Variants in MYO5B observed in about 807,000 individuals in gnomAD.
MYO5B encodes myosin VB, also known as unconventional myosin-Vb.
MYO5B carries 143 observed loss-of-function variants against 229.3 expected under a neutral mutation model. That is an observed-to-expected ratio of 0.62 (90% confidence interval 0.54 to 0.72). The LOEUF (loss-of-function observed/expected upper bound fraction) is 0.72. MYO5B is among the 30% of genes least tolerant of loss of function. The pLI is 0.00. For synonymous variants in MYO5B, 918 were observed against 885.2 expected (o/e 1.04, Z -0.66); for missense variants, 2,321 against 2,331.0 (o/e 1.00, Z 0.09).
intron 5 of MYO5B, among the ~76,000 whole-genome samples, chr18:49,996,987 G>A (rs540785916): frequency 7.9e-5 from 12 of 152,220 alleles, no homozygotes; most frequent in Non-Finnish European, 7.4e-5. Flanking sequence ...CCTAAAAAGC[G>A]TGAACACTTA....
At chr18:50,123,421 T>G (rs946475659) in intron 1 of MYO5B, among the ~76,000 whole-genome samples, 1 of 152,166 alleles carries the variant, frequency 6.6e-6, no homozygotes, top group African/African-American at 2.4e-5. Flanking sequence ...GTATATTATG[T>G]GAATTTCACT....
In MYO5B at chr18:49,895,206, GAGA is replaced by G. The variant is rs145003736; in HGVS notation, c.2812-35_2812-33del. ...AGAACATCAGCAAACAAGGAGAAGG[GAGA>G]AGAAGTGGGGGAAGAAAAGGTTATT... On this transcript the variant is annotated intron_variant, in intron 21 of 39. Transcript: ENST00000285039. 4,352 of 1,560,770 alleles carry G rather than the reference GAGA, an allele frequency of 2.8e-3. 99 individuals are homozygous for G. The African/African-American group carries it at 0.049, about 18-fold the overall frequency.
At chr18:49,876,855 C>A (rs987495188) in intron 25 of MYO5B, among the ~76,000 whole-genome samples, 2 of 152,240 alleles carry the variant, frequency 1.3e-5, no homozygotes, top group Admixed American at 6.5e-5. Flanking sequence ...CTCCCTCCAC[C>A]CTCTGCTCCA....
At chr18:49,838,361 G>A (rs936911977) in intron 36 of MYO5B, among the ~76,000 whole-genome samples, 1 of 152,304 alleles carries the variant, frequency 6.6e-6, no homozygotes, top group Admixed American at 6.5e-5. Flanking sequence ...TCTGACTCCA[G>A]AACTGCTGCT....
intron 1 of MYO5B, among the ~76,000 whole-genome samples, chr18:50,109,118 C>T (rs1044067449): frequency 1.3e-5 from 2 of 152,236 alleles, no homozygotes; most frequent in South Asian, 2.1e-4. Context: ...CCCCTATCCA[C>T]AGCTTCCACC....
At chr18:49,961,419 C>G (rs746053319) in intron 12 of MYO5B, among the ~76,000 whole-genome samples, 1 of 152,194 alleles carries the variant, frequency 6.6e-6, no homozygotes, top group Non-Finnish European at 1.5e-5. Flanking sequence ...TTTTCAAAGG[C>G]AACAAAACTA....
chr18:49,878,639 C>T (rs780844428), intron 24 of MYO5B, among the ~76,000 whole-genome samples: 2 of 152,074 alleles, frequency 1.3e-5, no homozygotes, highest in Non-Finnish European at 2.9e-5. Context: ...ACTCCCACAC[C>T]CCATTACTGA....
chr18:50,063,997 C>T (rs2030756402), intron 1 of MYO5B: 1 of 152,280 alleles, frequency 6.6e-6, no homozygotes, highest in Middle Eastern at 3.2e-3. Flanking sequence ...TCATTTTATC[C>T]AACTGGTTTA....
chr18:50,039,474 G>A (rs1197497509), intron 3 of MYO5B, among the ~76,000 whole-genome samples: 16 of 152,100 alleles, frequency 1.1e-4, no homozygotes, highest in Non-Finnish European at 1.6e-4. Flanking sequence ...TGGGACTACA[G>A]GCGCCCGCCA....
intron 1 of MYO5B, among the ~76,000 whole-genome samples, chr18:50,118,311 C>A (rs974519506): frequency 3.9e-5 from 6 of 152,136 alleles, no homozygotes; most frequent in South Asian, 2.1e-4. Context: ...TAGATAGGAC[C>A]GCATGTGTCC....
chr18:50,189,977 C>T (rs999689612), intron 1 of MYO5B, among the ~76,000 whole-genome samples: 1 of 152,140 alleles, frequency 6.6e-6, no homozygotes, highest in Non-Finnish European at 1.5e-5. Context: ...AGTAACCTCC[C>T]AGCAGCACTC....
At chr18:50,133,486 G>C (rs547523908) in intron 1 of MYO5B, among the ~76,000 whole-genome samples, 9 of 152,148 alleles carry the variant, frequency 5.9e-5, no homozygotes, top group Non-Finnish European at 1.2e-4. Flanking sequence ...AGAAGGAAAA[G>C]GTAGGTGCAG....
chr18:49,877,208 A>G (rs1377173621), intron 25 of MYO5B, among the ~76,000 whole-genome samples: 1 of 152,176 alleles, frequency 6.6e-6, no homozygotes, highest in African/African-American at 2.4e-5. Context: ...TACCTTTGAC[A>G]AAATTATACA....
intron 17 of MYO5B, among the ~76,000 whole-genome samples, chr18:49,923,781 T>A (rs762667149): frequency 6.6e-6 from 1 of 152,222 alleles, no homozygotes; most frequent in African/African-American, 2.4e-5. Context: ...AAAAGTTCTT[T>A]GTGAAATCGG....
intron 1 of MYO5B, among the ~76,000 whole-genome samples, chr18:50,136,905 C>T (rs1050527879): frequency 6.6e-6 from 1 of 152,224 alleles, no homozygotes; most frequent in Non-Finnish European, 1.5e-5. Context: ...TAAACTCCAT[C>T]TTCAATTGCC....
chr18:50,031,329 TGG>T (rs2026386950), intron 4 of MYO5B, among the ~76,000 whole-genome samples: 1 of 152,156 alleles, frequency 6.6e-6, no homozygotes, highest in Admixed American at 6.5e-5. Context: ...CAAAGAGGCT[TGG>T]GTCTGAACTC....
chr18:50,076,301 G>C (rs749146889), intron 1 of MYO5B, among the ~76,000 whole-genome samples: 9 of 152,184 alleles, frequency 5.9e-5, no homozygotes, highest in Non-Finnish European at 8.8e-5. Flanking sequence ...TGACAAGGTT[G>C]AGGAGGTGGC....
chr18:50,113,474 T>C (rs947100700), intron 1 of MYO5B, among the ~76,000 whole-genome samples: 4 of 152,212 alleles, frequency 2.6e-5, no homozygotes, highest in African/African-American at 9.6e-5. Context: ...AGAAAACACA[T>C]TGCTGGACCA....
chr18:49,954,497 C>A, intron 12 of MYO5B, 62 bp from the exon 13 acceptor site: 1 of 1,608,336 alleles, frequency 6.2e-7, no homozygotes. Context: ...CCCTGGGTTG[C>A]AGCAGAGGGA....
Sources: allele counts gnomAD v4.1 joint callset (sites outside exome capture counted in the v4.1 genomes callset), GRCh38; gene constraint gnomAD v4.1.1; transcripts MANE v1.5; gene names NCBI Gene and HGNC (gene_info 2026-07-23, HGNC 2026-07-21).